STRADA: variants seen among roughly 807,000 people sequenced by gnomAD.
The protein encoded by STRADA is STE20 related adaptor alpha, also known as STE20-related kinase adapter protein alpha.
A neutral mutation model predicts 55.0 loss-of-function variants in STRADA; 26 were observed. The ratio of observed to expected loss-of-function variants is 0.47; its 90% CI spans 0.35 to 0.66. The LOEUF is 0.66. STRADA is among the 30% of genes least tolerant of loss of function. The pLI is 0.01. For missense variants in STRADA, 443 were observed against 549.7 expected (o/e 0.81, Z 1.94); for synonymous variants, 197 against 210.9 (o/e 0.93, Z 0.57).
intron 1 of STRADA, among the ~76,000 whole-genome samples, chr17:63,732,148 G>A (rs60985715): frequency 0.035 from 5,346 of 151,958 alleles, 299 homozygotes; most frequent in African/African-American, 0.12. Flanking sequence ...GATTACAGGC[G>A]TGAGCCACCG....
intron 4 of STRADA, among the ~76,000 whole-genome samples, chr17:63,716,157 A>T (rs2036867047): frequency 6.9e-6 from 1 of 145,468 alleles, no homozygotes; most frequent in African/African-American, 2.6e-5. Flanking sequence ...GTGCAGTGGC[A>T]CGATCTTGGC....
At position 63,735,389 on chromosome 17, in the gene STRADA, C is replaced by T. The variant is rs528513340; in HGVS notation, c.-45+6352G>A. ...ACTTGATCAGCATACTTTGGCTTGC[C>T]GAATCTCAACGTTAATAACTCTAAA... On this transcript the variant is annotated intron_variant, in intron 1 of 12. Transcript: ENST00000336174. 4.3e-4 allele frequency among the ~76,000 whole-genome samples: 66 copies of T among 152,200 alleles called. No individual in the cohort carries two copies. In the South Asian group the frequency reaches 0.012, roughly 27 times the overall value.
chr17:63,738,034 G>T (rs73324238), intron 1 of STRADA, among the ~76,000 whole-genome samples: 5,829 of 150,918 alleles, frequency 0.039, 361 homozygotes, highest in African/African-American at 0.13. Context: ...TAAACGAAAA[G>T]AAACGAAAAG....
rs1375308661 is a variant in STRADA at position 63,703,363 on chromosome 17, G to C, written c.*236C>G. ...CTGAGCTCACAGGACTGGGAATGTC[G>C]GCTTTGGACCCTCCTGATCCCTGGT... On this transcript the variant is annotated 3_prime_UTR_variant, in exon 13 of 13. Coordinates refer to ENST00000336174, the MANE Select transcript of STRADA (RefSeq NM_001003787.4). The C allele has an allele frequency of 2.2e-6, 1 of 461,676 alleles. No individual in the cohort carries two copies. The highest frequency in any genetic ancestry group is 3.9e-6 in the Non-Finnish European group (1 of 259,272). 28.6% of individuals were successfully genotyped at this position (461,676 alleles called of 1,614,324 possible).
chr17:63,737,020 G>A (rs2038486473), intron 1 of STRADA, among the ~76,000 whole-genome samples: 1 of 151,814 alleles, frequency 6.6e-6, no homozygotes, highest in Admixed American at 6.6e-5. Flanking sequence ...AGGCTGAGGA[G>A]GGCAGATCAC....
At chr17:63,736,861 A>C (rs2038473435) in intron 1 of STRADA, among the ~76,000 whole-genome samples, 1 of 137,706 alleles carries the variant, frequency 7.3e-6, no homozygotes, top group Admixed American at 7.8e-5. Flanking sequence ...AAAAAAAATC[A>C]AGCAGAAAGG....
chr17:63,731,096 A>C (rs1282286080), intron 1 of STRADA, among the ~76,000 whole-genome samples: 1 of 151,476 alleles, frequency 6.6e-6, no homozygotes, highest in Non-Finnish European at 1.5e-5. Context: ...GGCGTGCGCC[A>C]CCACACCCTG....
At position 63,704,215 on chromosome 17, in the gene STRADA, C is replaced by T. The variant is rs2035912388; in HGVS notation, c.1100+126G>A. 4 of 1,533,004 alleles carry T rather than the reference C, an allele frequency of 2.6e-6. No homozygotes were observed. The South Asian group carries it at 3.7e-5, about 14-fold the overall frequency. The allele number at this position is 1,533,004 out of a possible 1,614,324, so 95.0% of individuals were successfully genotyped here. On this transcript the variant is annotated intron_variant, in intron 11 of 12. Transcript: ENST00000336174. The stretch of plus-strand genomic sequence containing the variant: ...GCCTCTGACACACCCAGGAGCTGAT[C>T]CCTCCTGTGTGTAGCTCCAGATTCC...
rs139440199 is a variant in STRADA at position 63,736,411 on chromosome 17, T to C, written c.-45+5330A>G. Among the ~76,000 whole-genome samples the C allele has an allele frequency of 8.1e-3, 1,232 of 151,926 alleles. 14 individuals carry two copies. The highest frequency in any genetic ancestry group is 0.029 in the African/African-American group (1,188 of 41,444). On this transcript the variant is annotated intron_variant, in intron 1 of 12. Transcript: ENST00000336174. ...GGGAGGCTGAAGCGGGTGGATCATC[T>C]GAGGTCAGGAGTTTGAGACCAGCCT... is the stretch of plus-strand genomic sequence containing the variant.
intron 8 of STRADA, among the ~76,000 whole-genome samples, chr17:63,707,924 A>C (rs1211218203): frequency 2.7e-5 from 4 of 148,042 alleles, no homozygotes; most frequent in Non-Finnish European, 6.0e-5. Flanking sequence ...TTTTTAGTGG[A>C]GACAGGGTTT....
chr17:63,729,728 G>A (rs1202785535), intron 1 of STRADA, among the ~76,000 whole-genome samples: 1 of 151,774 alleles, frequency 6.6e-6, no homozygotes, highest in Non-Finnish European at 1.5e-5. Flanking sequence ...GGCAGAGGTT[G>A]CAGTGAGCCA....
intron 1 of STRADA, among the ~76,000 whole-genome samples, chr17:63,735,454 T>A (rs1275431710): frequency 6.6e-6 from 1 of 152,194 alleles, no homozygotes; most frequent in African/African-American, 2.4e-5. Flanking sequence ...GAGACAAATA[T>A]CTTTCTCCCT....
chr17:63,704,192 C>G lies in STRADA; in HGVS notation c.1101-145G>C, dbSNP rs8065339. On this transcript the variant is annotated intron_variant, in intron 11 of 12. Transcript: ENST00000336174. The stretch of plus-strand genomic sequence containing the variant: ...AGTGGCCAGAGCTCCCCAGGCTGGC[C>G]TCTGACACACCCAGGAGCTGATCCC... 6.6e-3 allele frequency: 9,989 copies of G among 1,520,494 alleles called. 561 individuals are homozygous for G. In the African/African-American group the frequency reaches 0.12, roughly 18 times the overall value. The allele number at this position is 1,520,494 out of a possible 1,614,324, so 94.2% of individuals were successfully genotyped here.
At chr17:63,707,770 G>A (rs1294057560) in intron 8 of STRADA, among the ~76,000 whole-genome samples, 5 of 150,068 alleles carry the variant, frequency 3.3e-5, no homozygotes, top group East Asian at 2.0e-4. Context: ...TTGCTCTGTC[G>A]CACAGACTGG....
Position 63,740,128 on chromosome 17 carries a change from A to ATATG in STRADA, c.-45+1612_-45+1613insCATA, listed in dbSNP as rs2038805209. Among the ~76,000 whole-genome samples, 4 of 51,320 alleles carry ATATG rather than the reference A, an allele frequency of 7.8e-5. No individual in the cohort carries two copies. In the South Asian group the frequency reaches 4.0e-3, roughly 51 times the overall value. 33.7% of individuals were successfully genotyped at this position (51,320 alleles called of 152,430 possible). On this transcript the variant is annotated intron_variant, in intron 1 of 12. Coordinates refer to ENST00000336174, the MANE Select transcript of STRADA (RefSeq NM_001003787.4). ...TATATACATACATACATATATATAT[A>ATATG]CACATACATATATATATATACACAC...
At chr17:63,723,405 CT>C in intron 3 of STRADA, 79 bp from the exon 4 acceptor site, 1 of 1,542,562 alleles carries the variant, frequency 6.5e-7, no homozygotes, top group Non-Finnish European at 9.0e-7. Context: ...AATTATTGTA[CT>C]TAGGACTACA....
chr17:63,711,164 T>C (rs907355003), intron 6 of STRADA, among the ~76,000 whole-genome samples: 7 of 152,226 alleles, frequency 4.6e-5, no homozygotes, highest in African/African-American at 1.7e-4. Context: ...GGCCAACGTA[T>C]AGAATTCCTC....
At chr17:63,731,438 AT>A (rs1009257194) in intron 1 of STRADA, among the ~76,000 whole-genome samples, 14 of 143,154 alleles carry the variant, frequency 9.8e-5, no homozygotes. Context: ...AATTTTTTGT[AT>A]TTTTTTAGTA....
chr17:63,737,790 A>G (rs1404572657), intron 1 of STRADA, among the ~76,000 whole-genome samples: 3 of 152,034 alleles, frequency 2.0e-5, no homozygotes, highest in Admixed American at 2.0e-4. Flanking sequence ...TGGGTGGATC[A>G]CTTGAGCCCA....
Sources: allele counts gnomAD v4.1 joint callset (sites outside exome capture counted in the v4.1 genomes callset), GRCh38; gene constraint gnomAD v4.1.1; transcripts MANE v1.5; gene names NCBI Gene and HGNC (gene_info 2026-07-23, HGNC 2026-07-21).